The following KIAA0040 variants were observed in gnomAD, a reference collection of about 807,000 sequenced individuals.
The protein encoded by KIAA0040 is KIAA0040.
In KIAA0040, 10 loss-of-function variants were observed where a neutral mutation model predicts 7.2. The observed-to-expected ratio is 1.38, with a 90% CI of 0.85 to 2.34. The LOEUF (loss-of-function observed/expected upper bound fraction) is 2.34, where lower values mean the gene tolerates loss of function less well. KIAA0040 is among the 30% of genes most tolerant of loss of function. The pLI, the probability that KIAA0040 is intolerant of heterozygous loss-of-function variation, is 0.00. For synonymous variants in KIAA0040, 49 were observed against 40.1 expected (o/e 1.22, Z -0.84); for missense variants, 89 against 108.2 (o/e 0.82, Z 0.79).
intron 1 of KIAA0040, among the ~76,000 whole-genome samples, 177 bp downstream of exon 1, chr1:175,192,463 G>T (rs2272785): frequency 0.24 from 36,326 of 152,018 alleles, 5,487 homozygotes; most frequent in Admixed American, 0.44. Context: ...CGCGAAGGAG[G>T]GAAACACACC....
chr1:175,183,387 A>C (rs1677520585), intron 1 of KIAA0040, among the ~76,000 whole-genome samples: 1 of 152,236 alleles, frequency 6.6e-6, no homozygotes. Flanking sequence ...TGTGAGGGCT[A>C]TGCTATGTCC....
chr1:175,179,095 A>G (rs1269372368), intron 1 of KIAA0040, among the ~76,000 whole-genome samples: 1 of 152,068 alleles, frequency 6.6e-6, no homozygotes, highest in Middle Eastern at 3.2e-3. Context: ...TAGGTTGGAA[A>G]AGCCAGAGCA....
At chr1:175,190,982 A>T (rs1260372555) in intron 1 of KIAA0040, among the ~76,000 whole-genome samples, 1 of 152,178 alleles carries the variant, frequency 6.6e-6, no homozygotes, top group Non-Finnish European at 1.5e-5. Flanking sequence ...CTGCTCATCC[A>T]TCACTTCTGT....
At chr1:175,172,101 C>CTTCCTTTTCTCTCTT (rs1677015463) in intron 2 of KIAA0040, among the ~76,000 whole-genome samples, 1 of 152,050 alleles carries the variant, frequency 6.6e-6, no homozygotes, top group African/African-American at 2.4e-5. Context: ...TTCTTCTTTC[C>CTTCCTTTTCTCTCTT]TTCCTTTTCT....
At position 175,160,983 on chromosome 1, in the gene KIAA0040, T is replaced by C. The variant is rs116333252; in HGVS notation, c.31A>G (p.Ile11Val). MERISAFFSS[I>V]WDTILTKHQE... is the part of the protein sequence containing the mutation. ...TGTTTGGTCAAGATGGTGTCCCAGA[T>C]AGAGCTGAAGAAGGCACTGATTCTC... Residue 11 changes from isoleucine (I) to valine (V), a missense_variant, in exon 4 of 4, where the codon ATC (isoleucine) becomes GTC (valine). Coordinates refer to ENST00000423313, the MANE Select transcript of KIAA0040 (RefSeq NM_014656.3). 4.2e-3 allele frequency: 6,497 copies of C among 1,551,338 alleles called. 86 individuals are homozygous for C. Among genetic ancestry groups the C allele is most frequent in the African/African-American group, 0.035 (2,576 of 73,102 alleles).
At chr1:175,162,238 T>C (rs1244190677) in intron 3 of KIAA0040, among the ~76,000 whole-genome samples, 1 of 152,182 alleles carries the variant, frequency 6.6e-6, no homozygotes, top group Non-Finnish European at 1.5e-5. Context: ...CCTGTTGGTG[T>C]AAGACATTCT....
intron 2 of KIAA0040, among the ~76,000 whole-genome samples, chr1:175,170,493 T>G (rs1222603642): frequency 6.6e-6 from 1 of 152,074 alleles, no homozygotes; most frequent in Non-Finnish European, 1.5e-5. Context: ...GTAATCCAAC[T>G]CTCCTATTAC....
At chr1:175,173,833 A>G (rs1270996228) in intron 2 of KIAA0040, among the ~76,000 whole-genome samples, 1 of 152,208 alleles carries the variant, frequency 6.6e-6, no homozygotes, top group Admixed American at 6.5e-5. Flanking sequence ...TGGGGCCCCA[A>G]GGCATGAAAC....
At chr1:175,188,981 G>A (rs532279272) in intron 1 of KIAA0040, among the ~76,000 whole-genome samples, 30 of 152,300 alleles carry the variant, frequency 2.0e-4, no homozygotes, top group African/African-American at 7.0e-4. Context: ...GATGGAACTT[G>A]GATTCTGGTC....
intron 3 of KIAA0040, among the ~76,000 whole-genome samples, chr1:175,163,497 C>G (rs1288944178): frequency 6.6e-6 from 1 of 152,256 alleles, no homozygotes; most frequent in Non-Finnish European, 1.5e-5. Context: ...TGCCATGGAT[C>G]TGCCCACACA....
chr1:175,178,466 T>C (rs1317919251), intron 1 of KIAA0040, among the ~76,000 whole-genome samples: 1 of 152,244 alleles, frequency 6.6e-6, no homozygotes, highest in Non-Finnish European at 1.5e-5. Context: ...AAGAGGCCAA[T>C]AGCACTAATA....
rs946753344 is a variant in KIAA0040, at chr1:175,161,132, T to C, written c.-119A>G. On this transcript the variant is annotated 5_prime_UTR_variant, in exon 4 of 4. It removes an upstream start codon present in the reference 5' UTR. Coordinates refer to ENST00000423313, the MANE Select transcript of KIAA0040 (RefSeq NM_014656.3). ...CCTCTTCCAGCTTTGGGTTTGGGCATGCCACTGGCAGCACCTGAAGAGATT... is the reference window on the plus strand; with the variant it reads ...CCTCTTCCAGCTTTGGGTTTGGGCACGCCACTGGCAGCACCTGAAGAGATT... 2 of 871,700 alleles carry C rather than the reference T, an allele frequency of 2.3e-6. No homozygotes were observed. Among genetic ancestry groups the C allele is most frequent in the Non-Finnish European group, 3.5e-6 (2 of 571,254 alleles). 54.0% of individuals were successfully genotyped at this position (871,700 alleles called of 1,614,324 possible). A position where few individuals can be genotyped will look rare whatever the true frequency, so the allele number is the denominator to read the frequency against.
intron 2 of KIAA0040, among the ~76,000 whole-genome samples, chr1:175,172,588 C>A (rs1677031216): frequency 6.6e-6 from 1 of 152,070 alleles, no homozygotes; most frequent in Non-Finnish European, 1.5e-5. Context: ...AAAAAACAAA[C>A]AAAAAAACCT....
intron 1 of KIAA0040, among the ~76,000 whole-genome samples, chr1:175,181,876 A>G (rs146746747): frequency 1.1e-4 from 17 of 152,342 alleles, no homozygotes; most frequent in Non-Finnish European, 1.9e-4. Context: ...GAAAGAATCC[A>G]GTCAAAGTGG....
chr1:175,161,051 C>A lies in KIAA0040; in HGVS notation c.-38G>T. ...GATTAGGGCCAGAGAACCCTCTCGG[C>A]TTACAAGCAGGTCCTGGGCTCAAAA... On this transcript the variant is annotated 5_prime_UTR_variant, in exon 4 of 4. Coordinates refer to ENST00000423313, the MANE Select transcript of KIAA0040 (RefSeq NM_014656.3). 1 of 1,516,848 alleles carries A rather than the reference C, an allele frequency of 6.6e-7. No homozygotes were observed. The highest frequency in any genetic ancestry group is 8.9e-7 in the Non-Finnish European group (1 of 1,129,648). 94.0% of individuals were successfully genotyped at this position (1,516,848 alleles called of 1,614,324 possible).
At chr1:175,192,828 C>G (rs1249325500), upstream of KIAA0040, 1 of 148,512 alleles carries the variant, frequency 6.7e-6, no homozygotes, top group African/African-American at 2.5e-5. Context: ...CCCGCCCCGC[C>G]CCGCCCCGCC....
chr1:175,163,035 A>G (rs1435150917), intron 3 of KIAA0040, among the ~76,000 whole-genome samples: 1 of 152,164 alleles, frequency 6.6e-6, no homozygotes, highest in Non-Finnish European at 1.5e-5. Flanking sequence ...CTGCAGCTGA[A>G]GAGATGGAGG....
upstream of KIAA0040, chr1:175,192,789 C>T (rs1446794091): frequency 2.0e-5 from 3 of 151,266 alleles, no homozygotes; most frequent in Non-Finnish European, 4.4e-5. Context: ...CGTGTAGGGC[C>T]CCGGCGCCGG....
At chr1:175,162,396 C>T (rs1056612642) in intron 3 of KIAA0040, among the ~76,000 whole-genome samples, 6 of 152,086 alleles carry the variant, frequency 3.9e-5, no homozygotes, top group Admixed American at 3.9e-4. Context: ...ACCCAGGCCA[C>T]ACAGGCCCAC....
Sources: gnomAD v4.1 joint callset for allele counts (sites outside exome capture counted in the v4.1 genomes callset) on GRCh38, gnomAD v4.1.1 for gene constraint, MANE v1.5 for transcripts, NCBI Gene and HGNC (gene_info 2026-07-23, HGNC 2026-07-21) for gene names.